Variants in RBFOX2 observed in about 807,000 individuals in gnomAD.
RBFOX2 encodes RNA binding fox-1 homolog 2.
A neutral mutation model predicts 49.1 loss-of-function variants in RBFOX2; 10 were observed. That is an observed-to-expected ratio of 0.20 (90% CI 0.13 to 0.35). The LOEUF (loss-of-function observed/expected upper bound fraction) is 0.35. RBFOX2 is among the 10% of genes least tolerant of loss of function. The probability of loss-of-function intolerance (pLI) is 1.00; values close to 1 mark genes in which losing one functional copy is unlikely to be tolerated. For missense variants in RBFOX2, 323 were observed against 486.9 expected, an observed-to-expected ratio of 0.66 and a Z score of 3.17; for synonymous variants, 183 against 187.4, an observed-to-expected ratio of 0.98 and a Z score of 0.19.
chr22:35,898,407 T>C, intron 1 of RBFOX2: 1 of 460,960 alleles, frequency 2.2e-6, no homozygotes, highest in South Asian at 2.5e-5. Flanking sequence ...GCCGCCATCT[T>C]CTCCCACAAT....
intron 1 of RBFOX2, among the ~76,000 whole-genome samples, chr22:36,017,960 A>C (rs954875557): frequency 2.0e-5 from 3 of 152,244 alleles, no homozygotes; most frequent in Admixed American, 6.5e-5. Context: ...TGAAAAGATC[A>C]GGTTAACATT....
At chr22:35,989,985 C>G (rs530919176) in intron 1 of RBFOX2, among the ~76,000 whole-genome samples, 3 of 152,246 alleles carry the variant, frequency 2.0e-5, no homozygotes, top group Admixed American at 2.0e-4. Flanking sequence ...AGTTCGAGAC[C>G]AGCCTGGCCA....
At chr22:35,990,051 C>T (rs2057905486) in intron 1 of RBFOX2, among the ~76,000 whole-genome samples, 1 of 152,128 alleles carries the variant, frequency 6.6e-6, no homozygotes, top group Admixed American at 6.6e-5. Context: ...GGCATGGTAG[C>T]ACACACCTGT....
chr22:35,959,647 T>G (rs2149930476), intron 1 of RBFOX2, among the ~76,000 whole-genome samples: 1 of 152,348 alleles, frequency 6.6e-6, no homozygotes, highest in South Asian at 2.1e-4. Flanking sequence ...CTTCTAGTGC[T>G]GGGGCCATAC....
At chr22:36,020,469 G>A (rs568419991) in intron 1 of RBFOX2, among the ~76,000 whole-genome samples, 165 of 152,258 alleles carry the variant, frequency 1.1e-3, no homozygotes, top group African/African-American at 3.8e-3. Context: ...GCAACCTACA[G>A]AATGGGAGAA....
intron 2 of RBFOX2, among the ~76,000 whole-genome samples, chr22:35,799,768 A>G (rs1949436539): frequency 6.6e-6 from 1 of 152,012 alleles, no homozygotes; most frequent in Non-Finnish European, 1.5e-5. Context: ...AGCAAGACAC[A>G]GGGAGACCCT....
At chr22:35,900,491 A>G (rs2048436648) in intron 1 of RBFOX2, among the ~76,000 whole-genome samples, 1 of 151,878 alleles carries the variant, frequency 6.6e-6, no homozygotes, top group Non-Finnish European at 1.5e-5. Context: ...TACATAGTTT[A>G]TATTCCTATC....
At chr22:35,886,047 G>A (rs1289213867) in intron 1 of RBFOX2, among the ~76,000 whole-genome samples, 3 of 151,310 alleles carry the variant, frequency 2.0e-5, no homozygotes, top group Non-Finnish European at 2.9e-5. Flanking sequence ...TAGTAGAGAC[G>A]GGGTTTCACC....
At chr22:35,841,136 A>G (rs1205711181), upstream of RBFOX2, among the ~76,000 whole-genome samples, 1 of 152,242 alleles carries the variant, frequency 6.6e-6, no homozygotes, top group African/African-American at 2.4e-5. Context: ...GAGATACACA[A>G]AGGTGCATGC....
intron 1 of RBFOX2, among the ~76,000 whole-genome samples, chr22:35,850,540 G>T (rs1341708757): frequency 2.0e-5 from 3 of 152,242 alleles, no homozygotes; most frequent in African/African-American, 7.2e-5. Context: ...AACTTGGAAG[G>T]ATTAACTCCG....
At chr22:35,822,119 G>C (rs1010000674) in intron 1 of RBFOX2, among the ~76,000 whole-genome samples, 1 of 152,154 alleles carries the variant, frequency 6.6e-6, no homozygotes, top group Non-Finnish European at 1.5e-5. Flanking sequence ...GTGTTAGTGG[G>C]TAAGGTTTTT....
At chr22:35,995,842 C>T (rs1017419463) in intron 1 of RBFOX2, 1 of 152,320 alleles carries the variant, frequency 6.6e-6, no homozygotes, top group African/African-American at 2.4e-5. Flanking sequence ...CGGACTAATA[C>T]ACCAACAAGA....
At chr22:35,872,732 T>A (rs188798456) in intron 1 of RBFOX2, among the ~76,000 whole-genome samples, 443 of 152,346 alleles carry the variant, frequency 2.9e-3, no homozygotes, top group African/African-American at 0.01. Flanking sequence ...CAGCTGCTTG[T>A]ATCTTCTTCA....
intron 1 of RBFOX2, among the ~76,000 whole-genome samples, chr22:35,829,817 T>C (rs1324443120): frequency 2.0e-5 from 3 of 152,148 alleles, no homozygotes; most frequent in African/African-American, 7.2e-5. Context: ...TCCACTTCTC[T>C]TTCTCTGTCG....
chr22:35,833,729 A>C (rs933574498), intron 1 of RBFOX2, among the ~76,000 whole-genome samples: 1 of 152,238 alleles, frequency 6.6e-6, no homozygotes, highest in African/African-American at 2.4e-5. Flanking sequence ...GGTTAAGAAC[A>C]GAAATGCTGG....
intron 1 of RBFOX2, among the ~76,000 whole-genome samples, chr22:35,861,761 G>GATCT (rs1158509606): frequency 6.6e-6 from 1 of 152,038 alleles, no homozygotes; most frequent in South Asian, 2.1e-4. Flanking sequence ...CCTACCATAT[G>GATCT]ATCTATCTAT....
At chr22:35,928,546 C>T (rs1390265690) in intron 1 of RBFOX2, among the ~76,000 whole-genome samples, 1 of 152,212 alleles carries the variant, frequency 6.6e-6, no homozygotes, top group African/African-American at 2.4e-5. Flanking sequence ...AGGCAAATGC[C>T]TGTTTTCATA....
At chr22:35,891,789 G>C (rs2047271948) in intron 1 of RBFOX2, among the ~76,000 whole-genome samples, 1 of 151,438 alleles carries the variant, frequency 6.6e-6, no homozygotes, top group South Asian at 2.1e-4. Context: ...CCCTGTTTTT[G>C]ATGATGGCGA....
At position 35,827,110 on chromosome 22, in the gene RBFOX2, C is replaced by T. The variant is rs1026746064; in HGVS notation, c.27+13082G>A. On this transcript the variant is annotated intron_variant, in intron 1 of 11. Transcript: ENST00000405409. ...CTTATTTAGTTCTACAATGTGTTGCCATTGAAATCTGTAGATAATCTGATT... is the reference window on the plus strand; with the variant it reads ...CTTATTTAGTTCTACAATGTGTTGCTATTGAAATCTGTAGATAATCTGATT... 5.7e-4 allele frequency among the ~76,000 whole-genome samples: 86 copies of T among 152,100 alleles called. 1 individual carries two copies. Among genetic ancestry groups the T allele is most frequent in the Admixed American group, 5.6e-3 (85 of 15,276 alleles).
Sources: allele counts gnomAD v4.1 joint callset (sites outside exome capture counted in the v4.1 genomes callset), GRCh38; gene constraint gnomAD v4.1.1; transcripts MANE v1.5; gene names NCBI Gene and HGNC (gene_info 2026-07-23, HGNC 2026-07-21).